KMT2E: variants seen among roughly 807,000 people sequenced by gnomAD.
The protein encoded by KMT2E is lysine methyltransferase 2E (inactive).
A neutral mutation model predicts 184.6 loss-of-function variants in KMT2E; 30 were observed. That is an observed-to-expected ratio of 0.16 (90% CI 0.12 to 0.22). KMT2E has a LOEUF of 0.22. Among genes scored for constraint, KMT2E ranks in the 10% least tolerant of loss-of-function variants. KMT2E has a pLI of 1.00. For missense variants in KMT2E, 2,023 were observed against 2,237.4 expected (o/e 0.90, Z 1.93); for synonymous variants, 815 against 776.5 (o/e 1.05, Z -0.82).
At chr7:105,071,918 C>G (rs1041213046) in intron 6 of KMT2E, among the ~76,000 whole-genome samples, 6 of 151,838 alleles carry the variant, frequency 4.0e-5, no homozygotes, top group Non-Finnish European at 7.4e-5. Flanking sequence ...AGTGAGGTGT[C>G]TCTATGTGGT....
chr7:105,028,685 G>A (rs1479580384), intron 1 of KMT2E, among the ~76,000 whole-genome samples: 3 of 151,460 alleles, frequency 2.0e-5, no homozygotes, highest in Non-Finnish European at 2.9e-5. Flanking sequence ...TTTGTTTTTT[G>A]TAGAGATGGG....
chr7:105,111,900 T>A lies in KMT2E; in HGVS notation c.4144T>A (p.Ser1382Thr), dbSNP rs1232065356. The A allele has an allele frequency of 6.2e-7, 1 of 1,614,154 alleles. No individual in the cohort carries two copies. The highest frequency in any genetic ancestry group is 1.7e-5 in the Admixed American group (1 of 60,016). Residue 1382 changes from serine (S) to threonine (T), a missense_variant, in exon 27 of 27, where the codon TCC becomes ACC. Coordinates refer to ENST00000311117, the MANE Select transcript of KMT2E (RefSeq NM_182931.3). ...IFTKPDPQWD[S>T]TVSASEAENG... ...CACAAAACCAGATCCCCAATGGGAC[T>A]CCACAGTTAGTGCATCCGAAGCTGA... is the stretch of plus-strand genomic sequence containing the variant.
chr7:105,085,463 G>A (rs1797925984), intron 13 of KMT2E, among the ~76,000 whole-genome samples: 1 of 152,136 alleles, frequency 6.6e-6, no homozygotes, highest in Non-Finnish European at 1.5e-5. Context: ...CAGGAGAATC[G>A]CTTGAACCTG....
chr7:105,079,511 C>CT (rs66734303), intron 12 of KMT2E, among the ~76,000 whole-genome samples: 4,639 of 62,284 alleles, frequency 0.074, 1,391 homozygotes, highest in Non-Finnish European at 0.097. Context: ...ATTGGACTTC[C>CT]TTTTTTTTTT....
chr7:105,071,604 ATATATTTTT>A (rs1797315527), intron 6 of KMT2E, among the ~76,000 whole-genome samples: 2 of 65,228 alleles, frequency 3.1e-5, no homozygotes, highest in African/African-American at 1.4e-4. Flanking sequence ...ATATATATAT[ATATATTTTT>A]TTTTTTTTTT....
intron 13 of KMT2E, among the ~76,000 whole-genome samples, chr7:105,088,281 G>C (rs1299485036): frequency 1.3e-5 from 2 of 152,134 alleles, no homozygotes; most frequent in Non-Finnish European, 2.9e-5. Context: ...AAAAGCTGTT[G>C]CCATCATTAT....
chr7:105,088,323 A>G (rs1170462121), intron 13 of KMT2E, among the ~76,000 whole-genome samples: 1 of 152,250 alleles, frequency 6.6e-6, no homozygotes, highest in African/African-American at 2.4e-5. Context: ...AAAATCAAAC[A>G]TCTAGAACGA....
intron 12 of KMT2E, among the ~76,000 whole-genome samples, chr7:105,079,424 C>T (rs1420019830): frequency 2.0e-5 from 3 of 151,180 alleles, no homozygotes; most frequent in Non-Finnish European, 4.4e-5. Flanking sequence ...GTGTAAGCCA[C>T]CATGCCTGGC....
intron 1 of KMT2E, among the ~76,000 whole-genome samples, chr7:105,030,697 G>A (rs1795371119): frequency 6.6e-6 from 1 of 152,136 alleles, no homozygotes; most frequent in African/African-American, 2.4e-5. Flanking sequence ...CCTACTACAT[G>A]AGAATCTCTA....
At chr7:105,048,891 T>C (rs1254342061) in intron 3 of KMT2E, among the ~76,000 whole-genome samples, 1 of 152,242 alleles carries the variant, frequency 6.6e-6, no homozygotes, top group Non-Finnish European at 1.5e-5. Flanking sequence ...CTTGATAATA[T>C]ACTGTTTCCA....
Position 105,101,309 on chromosome 7 carries a change from G to A in KMT2E, c.1723-116G>A, listed in dbSNP as rs145246132. 4.9e-5 allele frequency: 30 copies of A among 616,610 alleles called. No individual in the cohort carries two copies. In the African/African-American group the frequency reaches 5.1e-4, roughly 11 times the overall value. The allele number at this position is 616,610 out of a possible 1,614,324, so 38.2% of individuals were successfully genotyped here. On this transcript the variant is annotated intron_variant, in intron 15 of 26. Transcript: ENST00000311117. ...CTCCCCATATCCACCAATAATAGAAGTAGTTTGCTGATAGTATCATAGCAA... is the reference window on the plus strand; with the variant it reads ...CTCCCCATATCCACCAATAATAGAAATAGTTTGCTGATAGTATCATAGCAA...
chr7:105,022,651 GTAGCGTCT>G (rs1442478265), intron 1 of KMT2E, among the ~76,000 whole-genome samples: 2 of 152,110 alleles, frequency 1.3e-5, no homozygotes, highest in African/African-American at 4.8e-5. Flanking sequence ...TCTTCAAGAT[GTAGCGTCT>G]GTTGATGATT....
intron 13 of KMT2E, among the ~76,000 whole-genome samples, chr7:105,088,745 A>T (rs570902335): frequency 2.6e-5 from 4 of 152,236 alleles, no homozygotes; most frequent in Non-Finnish European, 1.5e-5. Flanking sequence ...ACATTGGACA[A>T]GATGCTAATC....
intron 1 of KMT2E, among the ~76,000 whole-genome samples, chr7:105,026,120 C>G (rs1795167378): frequency 6.6e-6 from 1 of 152,120 alleles, no homozygotes; most frequent in African/African-American, 2.4e-5. Flanking sequence ...TTATAATTCT[C>G]CATGTTAACT....
chr7:105,090,761 T>C (rs1798168551), intron 14 of KMT2E, among the ~76,000 whole-genome samples: 1 of 152,174 alleles, frequency 6.6e-6, no homozygotes, highest in Non-Finnish European at 1.5e-5. Flanking sequence ...AAATATATTG[T>C]TATATGTCCT....
At chr7:105,099,449 A>C (rs1416116534) in intron 15 of KMT2E, among the ~76,000 whole-genome samples, 1 of 152,196 alleles carries the variant, frequency 6.6e-6, no homozygotes, top group Non-Finnish European at 1.5e-5. Context: ...ACCATCTCTA[A>C]ATACAGGATT....
chr7:105,080,650 T>C (rs1479935347), intron 12 of KMT2E, among the ~76,000 whole-genome samples: 3 of 152,264 alleles, frequency 2.0e-5, no homozygotes, highest in Non-Finnish European at 2.9e-5. Context: ...AGTTAATACA[T>C]ATAAAGTATA....
intron 17 of KMT2E, chr7:105,103,827 CTTTTTTTTTT>C (rs66584948): frequency 8.5e-6 from 1 of 117,608 alleles, no homozygotes; most frequent in African/African-American, 3.6e-5. Flanking sequence ...TTTTCTTTTT[CTTTTTTTTTT>C]TTTTTTTTGA....
intron 13 of KMT2E, 85 bp downstream of exon 13, chr7:105,081,882 T>C (rs1424612264): frequency 3.3e-6 from 2 of 606,132 alleles, no homozygotes. Flanking sequence ...GTCATTACTT[T>C]TATAGCTTTT....
Sources: allele counts gnomAD v4.1 joint callset (sites outside exome capture counted in the v4.1 genomes callset), GRCh38; gene constraint gnomAD v4.1.1; transcripts MANE v1.5; gene names NCBI Gene and HGNC (gene_info 2026-07-23, HGNC 2026-07-21).